Variants in SLC41A2 observed in about 807,000 individuals in gnomAD.
SLC41A2 encodes the protein SLC41A1-like 1.
In SLC41A2, 32 loss-of-function variants were observed where a neutral mutation model predicts 58.3. The observed-to-expected ratio is 0.55, with a 90% CI of 0.41 to 0.74. The LOEUF is 0.74. SLC41A2 is among the 30% of genes least tolerant of loss of function. The pLI is 0.00. For synonymous variants in SLC41A2, 190 were observed against 235.0 expected (o/e 0.81, Z 1.75); for missense variants, 514 against 680.6 (o/e 0.76, Z 2.72).
intron 1 of SLC41A2, among the ~76,000 whole-genome samples, chr12:104,935,572 T>C (rs2047231711): frequency 6.6e-6 from 1 of 152,154 alleles, no homozygotes; most frequent in African/African-American, 2.4e-5. Flanking sequence ...CTGGATTAAA[T>C]TGGATGTAAC....
At chr12:104,857,884 A>G (rs2043076959) in intron 8 of SLC41A2, among the ~76,000 whole-genome samples, 1 of 151,540 alleles carries the variant, frequency 6.6e-6, no homozygotes, top group Non-Finnish European at 1.5e-5. Context: ...ATAGCATTAG[A>G]AAATATACCT....
chr12:104,901,424 T>A (rs1375192458), intron 3 of SLC41A2, among the ~76,000 whole-genome samples: 5 of 152,162 alleles, frequency 3.3e-5, no homozygotes, highest in African/African-American at 1.2e-4. Context: ...GGAAAAAAAT[T>A]ATTCAAGTTA....
chr12:104,805,398 GC>G, intron 10 of SLC41A2, 61 bp from the exon 11 acceptor site: 1 of 1,451,136 alleles, frequency 6.9e-7, no homozygotes, highest in Admixed American at 2.0e-5. Context: ...ATGAAACATG[GC>G]CACAAGCCTA....
At chr12:104,874,817 C>G (rs1565862281) in intron 6 of SLC41A2, among the ~76,000 whole-genome samples, 1 of 152,116 alleles carries the variant, frequency 6.6e-6, no homozygotes, top group Non-Finnish European at 1.5e-5. Flanking sequence ...ATTGCTTTGG[C>G]TATTCAGGGT....
Position 104,844,675 on chromosome 12 carries a change from A to G in SLC41A2, c.1388-55T>C, listed in dbSNP as rs75362240. 9.7e-3 allele frequency: 9,378 copies of G among 963,860 alleles called. 517 individuals carry two copies. In the East Asian group the frequency reaches 0.16, roughly 17 times the overall value. 59.7% of individuals were successfully genotyped at this position (963,860 alleles called of 1,614,324 possible). A position where few individuals can be genotyped will look rare whatever the true frequency, so the allele number is the denominator to read the frequency against. On this transcript the variant is annotated intron_variant, in intron 9 of 10. Transcript: ENST00000258538. ...ACAAAATTATATTTTGGTTAATAAT[A>G]GGTCATAGTTATTAAAATTTGAGGA...
At chr12:104,909,588 C>T in intron 3 of SLC41A2, 67 bp downstream of exon 3, 1 of 1,088,430 alleles carries the variant, frequency 9.2e-7, no homozygotes, top group Non-Finnish European at 1.4e-6. Context: ...TTTCCTGATA[C>T]AAGTTCCCCT....
At chr12:104,846,109 C>T in intron 8 of SLC41A2, 135 bp from the exon 9 acceptor site, 1 of 839,862 alleles carries the variant, frequency 1.2e-6, no homozygotes, top group South Asian at 2.0e-5. Context: ...AAATGTTGAT[C>T]TATTTAATGT....
At chr12:104,939,643 C>A (rs1033095626) in intron 1 of SLC41A2, among the ~76,000 whole-genome samples, 1 of 152,186 alleles carries the variant, frequency 6.6e-6, no homozygotes, top group Admixed American at 6.5e-5. Flanking sequence ...AATAACAATG[C>A]TTAGGAAATC....
intron 2 of SLC41A2, 129 bp downstream of exon 2, chr12:104,927,844 T>C (rs1467762142): frequency 1.2e-6 from 1 of 810,860 alleles, no homozygotes; most frequent in Non-Finnish European, 1.8e-6. Flanking sequence ...AGTCAGCATC[T>C]GTTCATTTTA....
intron 6 of SLC41A2, among the ~76,000 whole-genome samples, chr12:104,882,247 CT>C (rs1449684712): frequency 2.0e-5 from 3 of 152,108 alleles, no homozygotes; most frequent in African/African-American, 2.4e-5. Flanking sequence ...ATACAGCACA[CT>C]GATGGGTCTT....
At chr12:104,913,011 C>T (rs765017434) in intron 2 of SLC41A2, among the ~76,000 whole-genome samples, 3 of 152,156 alleles carry the variant, frequency 2.0e-5, no homozygotes, top group Non-Finnish European at 4.4e-5. Context: ...TTGGAATGCA[C>T]GCCTATAGGT....
At chr12:104,825,022 G>C (rs2041787619) in intron 10 of SLC41A2, among the ~76,000 whole-genome samples, 1 of 113,666 alleles carries the variant, frequency 8.8e-6, no homozygotes, top group Non-Finnish European at 2.1e-5. Context: ...AAAACCCCCA[G>C]ACTTTGTCTC....
chr12:104,905,019 T>A (rs1369505638), intron 3 of SLC41A2, among the ~76,000 whole-genome samples: 3 of 151,980 alleles, frequency 2.0e-5, no homozygotes, highest in Non-Finnish European at 2.9e-5. Context: ...TAGAGCCGAG[T>A]GGCCTGTTTT....
At chr12:104,916,084 G>A (rs1474554860) in intron 2 of SLC41A2, among the ~76,000 whole-genome samples, 12 of 152,150 alleles carry the variant, frequency 7.9e-5, no homozygotes, top group South Asian at 2.1e-4. Flanking sequence ...ATTGATTTGC[G>A]TATATTGAAT....
intron 10 of SLC41A2, among the ~76,000 whole-genome samples, chr12:104,833,788 T>TG (rs1465203316): frequency 6.2e-4 from 49 of 79,218 alleles, no homozygotes; most frequent in African/African-American, 2.6e-3. Context: ...TGTTTTGTTG[T>TG]TTTTTTTTTG....
At chr12:104,816,836 A>T (rs1285189652) in intron 10 of SLC41A2, among the ~76,000 whole-genome samples, 20 of 152,212 alleles carry the variant, frequency 1.3e-4, no homozygotes, top group Non-Finnish European at 5.9e-5. Context: ...TCCATAGGGG[A>T]GGATTGGTTG....
intron 10 of SLC41A2, among the ~76,000 whole-genome samples, chr12:104,818,416 CTT>C: frequency 6.6e-6 from 1 of 152,116 alleles, no homozygotes; most frequent in African/African-American, 2.4e-5. Flanking sequence ...ATTAGACACA[CTT>C]GAATATATAA....
chr12:104,897,006 T>C (rs2045318219), intron 3 of SLC41A2, among the ~76,000 whole-genome samples: 1 of 152,134 alleles, frequency 6.6e-6, no homozygotes, highest in Non-Finnish European at 1.5e-5. Flanking sequence ...TCACTGAGTT[T>C]CCTACCACAG....
chr12:104,840,506 C>A (rs1195975549), intron 10 of SLC41A2, among the ~76,000 whole-genome samples: 2 of 152,190 alleles, frequency 1.3e-5, no homozygotes, highest in Non-Finnish European at 2.9e-5. Flanking sequence ...GATACCAACT[C>A]ATCCTTACTG....
Sources: allele counts gnomAD v4.1 joint callset (sites outside exome capture counted in the v4.1 genomes callset), GRCh38; gene constraint gnomAD v4.1.1; transcripts MANE v1.5; gene names NCBI Gene and HGNC (gene_info 2026-07-23, HGNC 2026-07-21).